Variants in ARAP1 observed in about 807,000 individuals in gnomAD.
ARAP1 encodes ArfGAP with RhoGAP domain, ankyrin repeat and PH domain 1.
ARAP1 carries 76 observed loss-of-function variants against 172.2 expected under a neutral mutation model. The observed-to-expected ratio is 0.44, with a 90% CI of 0.37 to 0.53. The LOEUF (loss-of-function observed/expected upper bound fraction) is 0.53, where lower values mean the gene tolerates loss of function less well. ARAP1 is among the 20% of genes least tolerant of loss of function. The pLI is 0.00. For synonymous variants in ARAP1, 804 were observed against 803.3 expected (o/e 1.00, Z -0.01); for missense variants, 1,686 against 1,977.5 (o/e 0.85, Z 2.80).
chr11:72,710,199 T>C lies in ARAP1; in HGVS notation c.1416+186A>G, dbSNP rs1052620946. 6.7e-6 allele frequency among the ~76,000 whole-genome samples: 1 copy of C among 149,548 alleles called. No homozygotes were observed. The highest frequency in any genetic ancestry group is 1.5e-5 in the Non-Finnish European group (1 of 67,264). On this transcript the variant is annotated intron_variant, in intron 10 of 34. Transcript: ENST00000393609. This position sits in a 1 kb window ranked among gnomAD's most constrained non-coding sequence, Gnocchi z 4.3. ...GGGGAGCAAGGGCCAGGGCAGGGAC[T>C]GGAGGGCAGTGCTCAGAGCCTGGGG...
In ARAP1 at chr11:72,710,382, C is replaced by T; in HGVS notation, c.1416+3G>A. ...GGGGAGAGGTTCCATGACCCCTTAG[C>T]ACCTCTAGATTCTTGTAGAGCTGCA... is the stretch of plus-strand genomic sequence containing the variant. On this transcript the variant is annotated splice_donor_region_variant and intron_variant, in intron 10 of 34. Coordinates refer to ENST00000393609, the MANE Select transcript of ARAP1 (RefSeq NM_001040118.3). This position sits in a 1 kb window ranked among gnomAD's most constrained non-coding sequence, Gnocchi z 4.3. 3.7e-6 allele frequency: 6 copies of T among 1,613,842 alleles called. No homozygotes were observed. The highest frequency in any genetic ancestry group is 5.1e-6 in the Non-Finnish European group (6 of 1,179,846).
At chr11:72,709,447 A>G (rs79417851) in intron 11 of ARAP1, among the ~76,000 whole-genome samples, 3 of 152,280 alleles carry the variant, frequency 2.0e-5, no homozygotes, top group Non-Finnish European at 4.4e-5. Context: ...CAGAGGACAG[A>G]GAAAGACACC....
At chr11:72,701,218 A>AG (rs1326811402) in intron 16 of ARAP1, among the ~76,000 whole-genome samples, 1 of 150,056 alleles carries the variant, frequency 6.7e-6, no homozygotes, top group Non-Finnish European at 1.5e-5. Flanking sequence ...CAGAGTGATT[A>AG]GGGGGGTGGT....
At position 72,697,212 on chromosome 11, in the gene ARAP1, C is replaced by T; in HGVS notation, c.2954-17G>A. ...AGGTCAGGCCTAGGGAGGGGCGGGG[C>T]CAAGCGTTCGGGGCCTGAGGCATAG... On this transcript the variant is annotated splice_polypyrimidine_tract_variant and intron_variant, in intron 21 of 34. Transcript: ENST00000393609. 6.3e-7 allele frequency: 1 copy of T among 1,593,924 alleles called. No individual in the cohort carries two copies. Among genetic ancestry groups the T allele is most frequent in the Non-Finnish European group, 8.5e-7 (1 of 1,173,152 alleles).
intron 12 of ARAP1, among the ~76,000 whole-genome samples, chr11:72,706,942 G>C (rs139750307): frequency 8.5e-4 from 130 of 152,356 alleles, no homozygotes; most frequent in Non-Finnish European, 1.1e-3. Context: ...CCCTGAACAA[G>C]CCATTTCCTC....
chr11:72,705,775 A>G (rs1204914421), intron 13 of ARAP1, 30 bp downstream of exon 13: 2 of 1,612,654 alleles, frequency 1.2e-6, no homozygotes, highest in African/African-American at 2.7e-5. Context: ...GCAGACCCCA[A>G]GTATCGGTGG....
chr11:72,686,287 T>C, intron 33 of ARAP1, 96 bp from the exon 34 acceptor site: 2 of 1,450,284 alleles, frequency 1.4e-6, no homozygotes, highest in East Asian at 2.5e-5. Flanking sequence ...CCTCCAGCTG[T>C]GGTCTGAGAT....
At chr11:72,749,711 G>A (rs559573459) in intron 1 of ARAP1, among the ~76,000 whole-genome samples, 10 of 152,028 alleles carry the variant, frequency 6.6e-5, no homozygotes, top group Middle Eastern at 3.4e-3. Flanking sequence ...GTGAAACCCC[G>A]TCTCTACTAA....
In ARAP1 at chr11:72,704,211, G is replaced by A. The variant is rs138546328; in HGVS notation, c.1933C>T (p.Arg645Cys). 3.0e-5 allele frequency: 48 copies of A among 1,613,946 alleles called. 1 individual carries two copies. In the East Asian group the frequency reaches 8.2e-4, roughly 28 times the overall value. ...TRRCHLEAKY[R>C]EGKYRRYHPL... ...TGGTAGCGGCGGTACTTGCCCTCAC[G>A]GTACTTGGCCTCCAGGTGGCACCGC... is the stretch of plus-strand genomic sequence containing the variant. Residue 645 changes from arginine (R) to cysteine (C), a missense_variant, in exon 14 of 35, where the codon CGT (arginine) becomes TGT (cysteine). Around this residue, in one of 5 missense-constraint regions of ARAP1, gnomAD observed 688 missense variants for 856.9 expected, o/e 0.80. Transcript: ENST00000393609.
At chr11:72,702,010 C>A (rs1443848918) in intron 15 of ARAP1, among the ~76,000 whole-genome samples, 17 of 152,238 alleles carry the variant, frequency 1.1e-4, no homozygotes, top group Non-Finnish European at 2.9e-5. Flanking sequence ...CCAGTTCCAG[C>A]ACCTCCCCTT....
Position 72,688,481 on chromosome 11 carries a change from C to T in ARAP1, c.4044G>A (p.Val1348=), listed in dbSNP as rs1361710840. 1 of 1,612,496 alleles carries T rather than the reference C, an allele frequency of 6.2e-7. No individual in the cohort carries two copies. Among genetic ancestry groups the T allele is most frequent in the African/African-American group, 1.3e-5 (1 of 74,872 alleles). ...PIKSLKVYLG[V]KKKLRPPTCW... ...AGGTGGGTGGCCTGAGTTTCTTCTTCACTCCCAGGTAGACTTTGAGACTCT... is the reference window on the plus strand; with the variant it reads ...AGGTGGGTGGCCTGAGTTTCTTCTTTACTCCCAGGTAGACTTTGAGACTCT... The change falls in exon 31 of 35, where the codon GTG becomes GTA. Residue 1348 remains valine, a synonymous_variant. Coordinates refer to ENST00000393609, the MANE Select transcript of ARAP1 (RefSeq NM_001040118.3).
At chr11:72,691,518 G>A (rs552244227) in intron 30 of ARAP1, among the ~76,000 whole-genome samples, 1 of 152,306 alleles carries the variant, frequency 6.6e-6, no homozygotes, top group South Asian at 2.1e-4. Context: ...CACAGAAGAG[G>A]GCAAAGGAGA....
chr11:72,748,199 C>CAGTAGCTATTGTT (rs1858427239), intron 1 of ARAP1, among the ~76,000 whole-genome samples: 1 of 152,168 alleles, frequency 6.6e-6, no homozygotes, highest in African/African-American at 2.4e-5. Flanking sequence ...GAAACAATAG[C>CAGTAGCTATTGTT]TACTGCTACT....
In ARAP1 at chr11:72,711,418, T is replaced by C; in HGVS notation, c.1092+12A>G. On this transcript the variant is annotated intron_variant, in intron 8 of 34. Coordinates refer to ENST00000393609, the MANE Select transcript of ARAP1 (RefSeq NM_001040118.3). The stretch of plus-strand genomic sequence containing the variant: ...GGAGCAGGGGTCGCGTCAGGACTGA[T>C]GCAGGCCTCACCTTGTTACTGTCAA... 2 of 1,611,616 alleles carry C rather than the reference T, an allele frequency of 1.2e-6. No homozygotes were observed. The highest frequency in any genetic ancestry group is 1.7e-6 in the Non-Finnish European group (2 of 1,177,862).
intron 5 of ARAP1, 46 bp downstream of exon 5, chr11:72,713,129 AC>A: frequency 6.3e-7 from 1 of 1,590,624 alleles, no homozygotes; most frequent in Non-Finnish European, 8.6e-7. Context: ...GCAGCTGGGC[AC>A]CCCCACAACA....
intron 30 of ARAP1, among the ~76,000 whole-genome samples, chr11:72,691,451 C>T (rs948211541): frequency 6.6e-5 from 10 of 152,116 alleles, no homozygotes; most frequent in African/African-American, 2.4e-4. Flanking sequence ...AAATAGCATC[C>T]CAGAACCAAG....
At chr11:72,743,573 G>A (rs1197307658) in intron 1 of ARAP1, among the ~76,000 whole-genome samples, 4 of 152,214 alleles carry the variant, frequency 2.6e-5, no homozygotes, top group African/African-American at 9.6e-5. Flanking sequence ...GATGGGCAGA[G>A]TGAGGGAGAG....
rs1855740734 is a variant in ARAP1, at chr11:72,687,481, C to G, written c.4143G>C (p.Gln1381His). The G allele has an allele frequency of 6.2e-7, 1 of 1,614,060 alleles. No individual in the cohort carries two copies. The highest frequency in any genetic ancestry group is 1.3e-5 in the African/African-American group (1 of 74,912). The change falls in exon 33 of 35, where the codon CAG (glutamine) becomes CAC (histidine). Residue 1381 changes from glutamine to histidine, a missense_variant. By Grantham distance (24) the Gln-to-His change is conservative. Transcript: ENST00000393609. ...TAGCGAACCACTCCCGGAGCTCCAT[C>G]TGTGTGTCACAGCAGAGGTACCTGC... ...KQQWYLCCDT[Q>H]MELREWFATF... is the part of the protein sequence containing the mutation.
chr11:72,714,345 C>T lies in ARAP1; in HGVS notation c.510-24G>A, dbSNP rs1304392869. ...GGCTGGGAACACAACAAAAGTTGGGCATCACTAAGCAACAGAGCCAAGACT... is the reference window on the plus strand; with the variant it reads ...GGCTGGGAACACAACAAAAGTTGGGTATCACTAAGCAACAGAGCCAAGACT... On this transcript the variant is annotated intron_variant, in intron 3 of 34. Coordinates refer to ENST00000393609, the MANE Select transcript of ARAP1 (RefSeq NM_001040118.3). 3.2e-6 allele frequency: 5 copies of T among 1,541,454 alleles called. No homozygotes were observed. The African/African-American group carries it at 6.9e-5, about 21-fold the overall frequency.
Sources: allele counts gnomAD v4.1 joint callset (sites outside exome capture counted in the v4.1 genomes callset), GRCh38; gene constraint gnomAD v4.1.1; regional missense constraint gnomAD v4.1.1; non-coding constraint Gnocchi (gnomAD v3.1); transcripts MANE v1.5; gene names NCBI Gene and HGNC (gene_info 2026-07-23, HGNC 2026-07-21).